The following ALG14 variants were observed in gnomAD, a reference collection of about 807,000 sequenced individuals.
ALG14 encodes the protein ALG14 UDP-N-acetylglucosaminyltransferase subunit.
In ALG14, 17 loss-of-function variants were observed where a neutral mutation model predicts 22.8. That is an observed-to-expected ratio of 0.75 (90% CI 0.51 to 1.12). ALG14 has a LOEUF of 1.12. Among genes scored for constraint, ALG14 ranks in the 50% most tolerant of loss-of-function variants. The pLI is 0.00. For missense variants in ALG14, 288 were observed against 271.8 expected, an observed-to-expected ratio of 1.06 and a Z score of -0.42; for synonymous variants, 89 against 103.7, an observed-to-expected ratio of 0.86 and a Z score of 0.86.
chr1:95,060,119 TACACACACAA>T (rs1675084701), intron 2 of ALG14, among the ~76,000 whole-genome samples: 3 of 113,638 alleles, frequency 2.6e-5, no homozygotes, highest in Admixed American at 9.3e-5. Flanking sequence ...CTCCTATACA[TACACACACAA>T]ACACACACAC....
chr1:94,987,627 T>C (rs1045639693), intron 3 of ALG14, among the ~76,000 whole-genome samples: 14 of 152,166 alleles, frequency 9.2e-5, no homozygotes, highest in African/African-American at 3.4e-4. Flanking sequence ...GGCTGAAACA[T>C]AACATTCTGC....
At chr1:95,047,342 A>T (rs990968570) in intron 2 of ALG14, among the ~76,000 whole-genome samples, 59 of 151,972 alleles carry the variant, frequency 3.9e-4, no homozygotes, top group African/African-American at 1.3e-3. Context: ...TTTACTTTGT[A>T]TATTTATTTA....
intron 3 of ALG14, among the ~76,000 whole-genome samples, chr1:95,002,812 G>T (rs761993937): frequency 6.6e-6 from 1 of 152,136 alleles, no homozygotes; most frequent in Non-Finnish European, 1.5e-5. Flanking sequence ...AAGAGTATCC[G>T]GTAGAACTCA....
chr1:95,070,607 C>G (rs1438007962), intron 1 of ALG14, among the ~76,000 whole-genome samples: 2 of 152,246 alleles, frequency 1.3e-5, no homozygotes, highest in Non-Finnish European at 1.5e-5. Flanking sequence ...GACACCCAAT[C>G]TCACGCTTTG....
intron 2 of ALG14, among the ~76,000 whole-genome samples, chr1:95,047,663 G>A (rs996926838): frequency 6.6e-6 from 1 of 151,986 alleles, no homozygotes; most frequent in African/African-American, 2.4e-5. Flanking sequence ...GCATATTTCT[G>A]TATTGTCCAA....
intron 2 of ALG14, among the ~76,000 whole-genome samples, chr1:95,058,103 T>C (rs1228564764): frequency 6.6e-6 from 1 of 150,480 alleles, no homozygotes; most frequent in Non-Finnish European, 1.5e-5. Context: ...CTGGCCAACA[T>C]GGTGAAAACC....
At chr1:95,011,585 C>G (rs796938386) in intron 3 of ALG14, among the ~76,000 whole-genome samples, 8 of 152,214 alleles carry the variant, frequency 5.3e-5, no homozygotes, top group African/African-American at 1.9e-4. Flanking sequence ...GCCACAGCAC[C>G]TGGCTAATTT....
intron 1 of ALG14, among the ~76,000 whole-genome samples, chr1:95,070,177 C>G (rs1675514688): frequency 6.6e-6 from 1 of 152,214 alleles, no homozygotes; most frequent in East Asian, 1.9e-4. Context: ...CAAGAAAAAT[C>G]TAGACAGGCC....
At chr1:95,023,548 A>G (rs1673726786) in intron 3 of ALG14, among the ~76,000 whole-genome samples, 1 of 152,072 alleles carries the variant, frequency 6.6e-6, no homozygotes, top group South Asian at 2.1e-4. Flanking sequence ...TGTAGATGTA[A>G]TAAGTACATC....
chr1:95,027,067 T>C, intron 3 of ALG14, 62 bp downstream of exon 3: 2 of 1,583,938 alleles, frequency 1.3e-6, no homozygotes, highest in Admixed American at 1.7e-5. Context: ...CAGTATGTCC[T>C]GTTACTAACG....
chr1:94,992,757 C>T (rs1018027983), intron 3 of ALG14, among the ~76,000 whole-genome samples: 3 of 151,904 alleles, frequency 2.0e-5, no homozygotes, highest in Non-Finnish European at 2.9e-5. Flanking sequence ...GAATTGGTAG[C>T]GGTGAAGTGG....
chr1:94,986,468 T>TTTTTTTTC (rs1340996515), intron 3 of ALG14, among the ~76,000 whole-genome samples: 1 of 152,016 alleles, frequency 6.6e-6, no homozygotes, highest in African/African-American at 2.4e-5. Context: ...ACTGACAGCT[T>TTTTTTTTC]TTTTTTTCTT....
At chr1:95,050,340 G>A (rs1358255341) in intron 2 of ALG14, among the ~76,000 whole-genome samples, 1 of 152,078 alleles carries the variant, frequency 6.6e-6, no homozygotes, top group Non-Finnish European at 1.5e-5. Flanking sequence ...CAATTATAGT[G>A]CATTATTTAA....
intron 2 of ALG14, among the ~76,000 whole-genome samples, chr1:95,055,967 C>T (rs1377015837): frequency 3.4e-5 from 5 of 149,104 alleles, no homozygotes; most frequent in African/African-American, 1.2e-4. Context: ...CGGAGATGCA[C>T]CACTGCACTC....
At position 94,981,906 on chromosome 1, in the gene ALG14, A is replaced by C. The variant is rs1672504212; in HGVS notation, c.*1170T>G. The C allele has an allele frequency of 6.6e-6, 1 of 152,098 alleles. No homozygotes were observed. Among genetic ancestry groups the C allele is most frequent in the Non-Finnish European group, 1.5e-5 (1 of 68,028 alleles). 9.4% of individuals were successfully genotyped at this position (152,098 alleles called of 1,614,324 possible). A position where few individuals can be genotyped will look rare whatever the true frequency, so the allele number is the denominator to read the frequency against. On this transcript the variant is annotated 3_prime_UTR_variant, in exon 4 of 4. Transcript: ENST00000370205. Reference sequence around the variant, plus strand: ...TGTTTAAAAAAATATTCAGAAGTTCAAGAGAGTCACAGCAGAACATTAAAC... The same window carrying C: ...TGTTTAAAAAAATATTCAGAAGTTCCAGAGAGTCACAGCAGAACATTAAAC...
chr1:95,023,230 TCTC>T, intron 3 of ALG14, among the ~76,000 whole-genome samples: 1 of 152,294 alleles, frequency 6.6e-6, no homozygotes, highest in East Asian at 1.9e-4. Flanking sequence ...ATCAAGCAAT[TCTC>T]CTGCCTCAGC....
chr1:94,995,087 A>G (rs545105168), intron 3 of ALG14, among the ~76,000 whole-genome samples: 1 of 152,218 alleles, frequency 6.6e-6, no homozygotes, highest in African/African-American at 2.4e-5. Flanking sequence ...TTGTACACGT[A>G]CCTATGTATT....
At chr1:95,025,179 T>C (rs1673775922) in intron 3 of ALG14, among the ~76,000 whole-genome samples, 4 of 152,190 alleles carry the variant, frequency 2.6e-5, no homozygotes, top group African/African-American at 9.7e-5. Flanking sequence ...CTTGGGTAAT[T>C]AGGTGCATTG....
chr1:95,012,619 A>C (rs1439860300), intron 3 of ALG14, among the ~76,000 whole-genome samples: 1 of 152,158 alleles, frequency 6.6e-6, no homozygotes, highest in Non-Finnish European at 1.5e-5. Flanking sequence ...CCCTATCACC[A>C]TATGTGGGTT....
Sources: gnomAD v4.1 joint callset for allele counts (sites outside exome capture counted in the v4.1 genomes callset) on GRCh38, gnomAD v4.1.1 for gene constraint, MANE v1.5 for transcripts, NCBI Gene and HGNC (gene_info 2026-07-23, HGNC 2026-07-21) for gene names.